COPG2: variants seen among roughly 807,000 people sequenced by gnomAD.
The protein encoded by COPG2 is coatomer subunit gamma-2.
In COPG2, 37 loss-of-function variants were observed where a neutral mutation model predicts 46.3. The observed-to-expected ratio is 0.80, with a 90% CI of 0.61 to 1.05. COPG2 has a LOEUF of 1.05. Ranked by LOEUF, COPG2 falls within the 50% of genes least tolerant of loss-of-function variation. The probability of loss-of-function intolerance (pLI) is 0.00; values close to 1 mark genes in which losing one functional copy is unlikely to be tolerated. For synonymous variants in COPG2, 159 were observed against 129.7 expected (o/e 1.23, Z -1.53); for missense variants, 427 against 387.8 (o/e 1.10, Z -0.85).
chr7:130,611,950 C>A (rs892850501), intron 8 of COPG2, among the ~76,000 whole-genome samples: 9 of 152,172 alleles, frequency 5.9e-5, no homozygotes, highest in Non-Finnish European at 1.2e-4. Flanking sequence ...AAAGGGTCAT[C>A]TAGCTTCTAT....
chr7:130,519,928 A>C (rs1278924042), intron 20 of COPG2, among the ~76,000 whole-genome samples: 2 of 152,224 alleles, frequency 1.3e-5, no homozygotes, highest in Non-Finnish European at 2.9e-5. Flanking sequence ...TTGAAGTCTT[A>C]GTGGGAAATT....
At chr7:130,584,501 T>C (rs1024767640) in intron 9 of COPG2, among the ~76,000 whole-genome samples, 5 of 151,932 alleles carry the variant, frequency 3.3e-5, no homozygotes, top group African/African-American at 1.2e-4. Flanking sequence ...TCCAAATCGA[T>C]AAAGAGGAAG....
At chr7:130,632,383 A>G (rs1554455330) in intron 5 of COPG2, among the ~76,000 whole-genome samples, 1 of 152,132 alleles carries the variant, frequency 6.6e-6, no homozygotes, top group East Asian at 1.9e-4. Flanking sequence ...AGTTTTCCTC[A>G]TCTTTGGTGT....
At chr7:130,568,713 TAACA>T (rs1380209563) in intron 9 of COPG2, among the ~76,000 whole-genome samples, 14 of 152,150 alleles carry the variant, frequency 9.2e-5, no homozygotes, top group Non-Finnish European at 2.1e-4. Context: ...CACATGGACT[TAACA>T]GATATTTACA....
At position 130,506,688 on chromosome 7, in the gene COPG2, A is replaced by C. The variant is rs1295133323; in HGVS notation, c.2604T>G (p.Ala868=). 1.3e-6 allele frequency: 1 copy of C among 779,938 alleles called. No individual in the cohort carries two copies. The highest frequency in any genetic ancestry group is 2.4e-6 in the Non-Finnish European group (1 of 417,404). The allele number at this position is 779,938 out of a possible 1,614,324, so 48.3% of individuals were successfully genotyped here. A position where few individuals can be genotyped will look rare whatever the true frequency, so the allele number is the denominator to read the frequency against. Residue 868 remains alanine, a synonymous_variant, in exon 24 of 24, where the codon GCT becomes GCG. Coordinates refer to ENST00000425248, the MANE Select transcript of COPG2 (RefSeq NM_012133.6). ...GTCCAGTAAGCATTTATCCAACAGA[A>C]GCTAAGATAACATCTACAGGTGTTC... ...KERTPVDVIL[A]SVG
At chr7:130,662,937 T>C (rs1796007264) in intron 4 of COPG2, 30 bp downstream of exon 4, 6 of 1,359,560 alleles carry the variant, frequency 4.4e-6, no homozygotes, top group African/African-American at 1.8e-5. Flanking sequence ...AGGAGGTTTT[T>C]CATCGTAAAA....
chr7:130,640,900 A>G lies in COPG2; in HGVS notation c.323+11969T>C, dbSNP rs148635411. ...TATTGCATGTCTAATAATACAAAGC[A>G]CTTTTCCAGGTATTGATGATACAAA... On this transcript the variant is annotated intron_variant, in intron 5 of 23. Transcript: ENST00000425248. 8.5e-5 allele frequency among the ~76,000 whole-genome samples: 13 copies of G among 152,254 alleles called. No individual in the cohort carries two copies. In the East Asian group the frequency reaches 2.5e-3, roughly 29 times the overall value.
intron 9 of COPG2, among the ~76,000 whole-genome samples, chr7:130,577,947 G>C (rs1402350954): frequency 1.3e-5 from 2 of 152,294 alleles, no homozygotes. Context: ...GCCCAGGCTT[G>C]CTTAGGTAAA....
At chr7:130,640,019 A>C (rs950262876) in intron 5 of COPG2, among the ~76,000 whole-genome samples, 21 of 152,186 alleles carry the variant, frequency 1.4e-4, no homozygotes, top group Non-Finnish European at 2.9e-4. Flanking sequence ...TTAAGTGCTC[A>C]CAACATTGCT....
At chr7:130,666,495 T>C (rs1796080771) in intron 3 of COPG2, among the ~76,000 whole-genome samples, 1 of 152,164 alleles carries the variant, frequency 6.6e-6, no homozygotes, top group African/African-American at 2.4e-5. Context: ...ATCAGAAATT[T>C]TTTGAGTGCC....
At chr7:130,613,232 T>C (rs939896082) in intron 7 of COPG2, among the ~76,000 whole-genome samples, 3 of 152,012 alleles carry the variant, frequency 2.0e-5, no homozygotes, top group Non-Finnish European at 4.4e-5. Context: ...CAGCTCACAA[T>C]AGGGTTCGAG....
At chr7:130,512,317 AAAAAAAC>A (rs1277050209) in intron 20 of COPG2, among the ~76,000 whole-genome samples, 2 of 152,012 alleles carry the variant, frequency 1.3e-5, no homozygotes, top group South Asian at 2.1e-4. Context: ...CATCTAAAAA[AAAAAAAC>A]AAAAAACAAC....
rs782299789 is a variant in COPG2 at position 130,617,035 on chromosome 7, ATCT to A, written c.351_353del (p.Glu117del). 3.4e-5 allele frequency: 54 copies of A among 1,611,118 alleles called. No individual in the cohort carries two copies. In the East Asian group the frequency reaches 1.1e-3, roughly 33 times the overall value. Reference sequence around the variant, plus strand: ...CTCTGATGGCCGGGCCTCGGTATACATCTTCTTTTCCAGTCATGTCTTTAGTCA... The same window carrying A: ...CTCTGATGGCCGGGCCTCGGTATACATCTTTTCCAGTCATGTCTTTAGTCA... On this transcript the variant is annotated inframe_deletion, in exon 6 of 24. Transcript: ENST00000425248.
chr7:130,582,939 C>T lies in COPG2; in HGVS notation c.738-18546G>A, dbSNP rs1287417803. ...TCAACCATTGTGGAAGTCAGTGTGG[C>T]GATTCCTCAGGGATCTAGAATTAGA... On this transcript the variant is annotated intron_variant, in intron 9 of 23. Coordinates refer to ENST00000425248, the MANE Select transcript of COPG2 (RefSeq NM_012133.6). Among the ~76,000 whole-genome samples the T allele has an allele frequency of 1.4e-4, 22 of 151,830 alleles. No homozygotes were observed. The East Asian group carries it at 2.3e-3, about 16-fold the overall frequency.
intron 9 of COPG2, among the ~76,000 whole-genome samples, chr7:130,590,919 G>A (rs1253475956): frequency 1.3e-5 from 2 of 150,704 alleles, no homozygotes; most frequent in South Asian, 2.1e-4. Context: ...CGTCTGAGAA[G>A]TGAGAAGCCC....
chr7:130,514,408 A>T (rs1168443357), intron 20 of COPG2, among the ~76,000 whole-genome samples: 1 of 152,210 alleles, frequency 6.6e-6, no homozygotes, highest in Non-Finnish European at 1.5e-5. Flanking sequence ...AGGGAGGGCA[A>T]ATCACCAAAG....
chr7:130,591,888 G>C (rs1173365398), intron 9 of COPG2, among the ~76,000 whole-genome samples: 1 of 152,104 alleles, frequency 6.6e-6, no homozygotes, highest in Non-Finnish European at 1.5e-5. Context: ...CCACCACCCC[G>C]TCTGGGAGGT....
chr7:130,642,756 C>A (rs559916239), intron 5 of COPG2, among the ~76,000 whole-genome samples: 1 of 152,346 alleles, frequency 6.6e-6, no homozygotes, highest in South Asian at 2.1e-4. Flanking sequence ...AGCACAGTAG[C>A]TCACGCCTGT....
At chr7:130,528,848 A>G (rs1799798244) in intron 20 of COPG2, among the ~76,000 whole-genome samples, 1 of 151,822 alleles carries the variant, frequency 6.6e-6, no homozygotes, top group Non-Finnish European at 1.5e-5. Context: ...AGAGGGAGGG[A>G]GCGGATGCAG....
Sources: gnomAD v4.1 joint callset for allele counts (sites outside exome capture counted in the v4.1 genomes callset) on GRCh38, gnomAD v4.1.1 for gene constraint, MANE v1.5 for transcripts, NCBI Gene and HGNC (gene_info 2026-07-23, HGNC 2026-07-21) for gene names.